The following NPAS1 variants were observed in gnomAD, a reference collection of about 807,000 sequenced individuals.
The protein encoded by NPAS1 is neuronal PAS domain-containing protein 1.
In NPAS1, 29 loss-of-function variants were observed where a neutral mutation model predicts 49.2. The observed-to-expected ratio is 0.59, with a 90% CI of 0.44 to 0.80. The LOEUF (loss-of-function observed/expected upper bound fraction) is 0.80, where lower values mean the gene tolerates loss of function less well. Among genes scored for constraint, NPAS1 ranks in the 30% least tolerant of loss-of-function variants. The pLI is 0.00. For missense variants in NPAS1, 825 were observed against 835.5 expected (o/e 0.99, Z 0.15); for synonymous variants, 408 against 380.4 (o/e 1.07, Z -0.84).
chr19:47,031,381 G>A (rs1193658912), intron 3 of NPAS1, among the ~76,000 whole-genome samples: 1 of 151,420 alleles, frequency 6.6e-6, no homozygotes, highest in Admixed American at 6.6e-5. Flanking sequence ...TGTGTTTTTA[G>A]TAGGGACGGT....
intron 6 of NPAS1, among the ~76,000 whole-genome samples, chr19:47,037,443 G>A (rs983180921): frequency 2.6e-5 from 4 of 151,430 alleles, no homozygotes; most frequent in East Asian, 1.9e-4. Flanking sequence ...ACTGAGGCAC[G>A]GCGCGGAGAG....
rs1356956400 is a variant in NPAS1 at position 47,033,856 on chromosome 19, G to C, written c.522+1124G>C. On this transcript the variant is annotated intron_variant, in intron 5 of 11. Coordinates refer to ENST00000602212, the MANE Select transcript of NPAS1 (RefSeq NM_002517.4). ...TAGCCAGGCATGGTGGCACACTGTTGTCCCAGCTACTCAGGAGGTTGAGAT... is the reference window on the plus strand; with the variant it reads ...TAGCCAGGCATGGTGGCACACTGTTCTCCCAGCTACTCAGGAGGTTGAGAT... 3.5e-5 allele frequency among the ~76,000 whole-genome samples: 5 copies of C among 144,898 alleles called. No homozygotes were observed. The Admixed American group carries it at 3.5e-4, about 10-fold the overall frequency.
chr19:47,045,102 G>A (rs1295876412), intron 11 of NPAS1, 89 bp from the exon 12 acceptor site: 2 of 1,251,840 alleles, frequency 1.6e-6, no homozygotes, highest in Non-Finnish European at 2.2e-6. Flanking sequence ...AGAACTACAG[G>A]TCTGGCCCAC....
intron 6 of NPAS1, among the ~76,000 whole-genome samples, chr19:47,038,208 A>C (rs2056979021): frequency 6.6e-6 from 1 of 152,166 alleles, no homozygotes; most frequent in Non-Finnish European, 1.5e-5. Flanking sequence ...GGGTGGAGGC[A>C]CGTTTGAGCA....
chr19:47,024,392 T>C (rs2056859255), intron 3 of NPAS1, among the ~76,000 whole-genome samples: 1 of 152,116 alleles, frequency 6.6e-6, no homozygotes, highest in Non-Finnish European at 1.5e-5. Context: ...GGCTCACGCC[T>C]GTAATCTCAG....
Position 47,041,090 on chromosome 19 carries a change from G to A in NPAS1, c.1182G>A (p.Gly394=), listed in dbSNP as rs2057016773. Reference sequence around the variant, plus strand: ...TGGCTGGGAGCGGGAAGAGCCCCGGGGAGCACCATGTGCTTTGGGTCAGCC... The same window carrying A: ...TGGCTGGGAGCGGGAAGAGCCCCGGAGAGCACCATGTGCTTTGGGTCAGCC... ...ATVAGSGKSP[G]EHHVLWVSHV... Residue 394 remains glycine (G), a synonymous_variant, in exon 10 of 12, where the codon GGG becomes GGA. Transcript: ENST00000602212. 1.9e-6 allele frequency: 3 copies of A among 1,596,658 alleles called. No individual in the cohort carries two copies. The highest frequency in any genetic ancestry group is 3.5e-5 in the Admixed American group (2 of 57,940).
intron 10 of NPAS1, among the ~76,000 whole-genome samples, chr19:47,041,910 G>T (rs1441814459): frequency 6.6e-6 from 1 of 150,960 alleles, no homozygotes; most frequent in Non-Finnish European, 1.5e-5. Context: ...AGCCCAGGAG[G>T]TCGAGGCTGC....
Position 47,036,098 on chromosome 19 carries a change from T to C in NPAS1, c.657T>C (p.Ser219=), listed in dbSNP as rs1229437957. Residue 219 remains serine, a synonymous_variant, in exon 6 of 12, where the codon TCT becomes TCC. Coordinates refer to ENST00000602212, the MANE Select transcript of NPAS1 (RefSeq NM_002517.4). Reference sequence around the variant, plus strand: ...CCTCCGTCTCCTCTTCCTCCTCCTCTTCCTCTTCGCTTGCAGATACCCCCG... The same window carrying C: ...CCTCCGTCTCCTCTTCCTCCTCCTCCTCCTCTTCGCTTGCAGATACCCCCG... ...TPPSVSSSSS[S]SSSLADTPEI... 6.3e-7 allele frequency: 1 copy of C among 1,577,366 alleles called. No individual in the cohort carries two copies. The highest frequency in any genetic ancestry group is 1.2e-5 in the South Asian group (1 of 86,420).
intron 3 of NPAS1, among the ~76,000 whole-genome samples, chr19:47,027,277 G>T (rs1199326272): frequency 6.6e-6 from 1 of 152,170 alleles, no homozygotes; most frequent in Non-Finnish European, 1.5e-5. Flanking sequence ...GGTGACGGGG[G>T]AGATCTGGGA....
intron 6 of NPAS1, among the ~76,000 whole-genome samples, chr19:47,038,773 G>A (rs1326761182): frequency 2.0e-5 from 3 of 152,092 alleles, no homozygotes; most frequent in Non-Finnish European, 4.4e-5. Flanking sequence ...GTTGCAGTGA[G>A]CCAAGATTGC....
chr19:47,030,636 C>CTTTTTTT (rs55931402), intron 3 of NPAS1, among the ~76,000 whole-genome samples: 15 of 96,796 alleles, frequency 1.5e-4, no homozygotes, highest in Middle Eastern at 5.9e-3. Context: ...GGCCCTTTGC[C>CTTTTTTT]TTTTTTTTTT....
At chr19:47,045,051 A>T in intron 11 of NPAS1, 140 bp from the exon 12 acceptor site, 1 of 862,760 alleles carries the variant, frequency 1.2e-6, no homozygotes, top group Non-Finnish European at 1.8e-6. Context: ...AAAAACAAAA[A>T]CAAAACAAAC....
intron 3 of NPAS1, among the ~76,000 whole-genome samples, chr19:47,023,334 C>T (rs2056853373): frequency 6.6e-6 from 1 of 152,162 alleles, no homozygotes; most frequent in Admixed American, 6.5e-5. Context: ...ATGAGCATTC[C>T]GGGGCTCAGA....
chr19:47,024,220 G>A (rs575371973), intron 3 of NPAS1, among the ~76,000 whole-genome samples: 5 of 152,256 alleles, frequency 3.3e-5, no homozygotes, highest in South Asian at 4.2e-4. Context: ...TGAGGAGGTC[G>A]AGGCTGCAGT....
chr19:47,040,746 G>T, intron 9 of NPAS1, 196 bp downstream of exon 9: 1 of 599,018 alleles, frequency 1.7e-6, no homozygotes, highest in Non-Finnish European at 2.9e-6. Context: ...TGTGGGGGGG[G>T]GGTCTGGGGG....
rs1023945104 is a variant in NPAS1, at chr19:47,045,774, G to A, written c.*123G>A. The A allele has an allele frequency of 6.7e-5, 71 of 1,058,918 alleles. No individual in the cohort carries two copies. In the East Asian group the frequency reaches 1.7e-3, roughly 26 times the overall value. The allele number at this position is 1,058,918 out of a possible 1,614,324, so 65.6% of individuals were successfully genotyped here. A position where few individuals can be genotyped will look rare whatever the true frequency, so the allele number is the denominator to read the frequency against. On this transcript the variant is annotated 3_prime_UTR_variant, in exon 12 of 12. Transcript: ENST00000602212. ...CTCTCCCTGCAGTGGTTTGGGCTCC[G>A]GGCTGTGAGCTCCTCTGTCCATTTC...
chr19:47,042,832 C>T lies in NPAS1; in HGVS notation c.1240C>T (p.Pro414Ser), dbSNP rs542754855. Reference sequence around the variant, plus strand: ...CAGCCAAGCCGAGGGTGGCCAAACTCCTTTGGATGCCTTCCAGCTTCCAGC... The same window carrying T: ...CAGCCAAGCCGAGGGTGGCCAAACTTCTTTGGATGCCTTCCAGCTTCCAGC... ...VLSQAEGGQT[P>S]LDAFQLPASV... Residue 414 changes from proline to serine, a missense_variant, in exon 11 of 12, where the codon CCT becomes TCT. Pro to Ser is a moderately conservative substitution (Grantham distance 74). Coordinates refer to ENST00000602212, the MANE Select transcript of NPAS1 (RefSeq NM_002517.4). 3.7e-5 allele frequency: 60 copies of T among 1,605,838 alleles called. No homozygotes were observed. The South Asian group carries it at 6.1e-4, about 16-fold the overall frequency.
chr19:47,040,949 C>G, intron 9 of NPAS1, 29 bp from the exon 10 acceptor site: 1 of 1,438,774 alleles, frequency 7.0e-7, no homozygotes, highest in Non-Finnish European at 9.1e-7. Flanking sequence ...ACCCCACCCC[C>G]TTCCCATCTC....
chr19:47,041,468 C>T (rs917037952), intron 10 of NPAS1, among the ~76,000 whole-genome samples: 2 of 151,854 alleles, frequency 1.3e-5, no homozygotes, highest in Non-Finnish European at 2.9e-5. Flanking sequence ...CCACAGAGCA[C>T]AGCAACTAAT....
Sources: allele counts gnomAD v4.1 joint callset (sites outside exome capture counted in the v4.1 genomes callset), GRCh38; gene constraint gnomAD v4.1.1; transcripts MANE v1.5; gene names NCBI Gene and HGNC (gene_info 2026-07-23, HGNC 2026-07-21).